SH2B3: variants seen among roughly 807,000 people sequenced by gnomAD.
SH2B3 encodes the protein SH2B adapter protein 3.
Under a neutral mutation model 51.9 loss-of-function variants are expected in SH2B3, and 43 were observed. That is an observed-to-expected ratio of 0.83 (90% confidence interval 0.65 to 1.07). The LOEUF is 1.07. Ranked by LOEUF, SH2B3 falls within the 50% of genes least tolerant of loss-of-function variation. The pLI, the probability that SH2B3 is intolerant of heterozygous loss-of-function variation, is 0.00. For missense variants in SH2B3, 952 were observed against 834.3 expected, an observed-to-expected ratio of 1.14 and a Z score of -1.74; for synonymous variants, 396 against 376.0, an observed-to-expected ratio of 1.05 and a Z score of -0.62.
chr12:111,440,134 ATTCCAAACTCCC>A (rs1873268101), intron 2 of SH2B3, among the ~76,000 whole-genome samples: 1 of 152,192 alleles, frequency 6.6e-6, no homozygotes, highest in Admixed American at 6.5e-5. Flanking sequence ...TAAAATGCAG[ATTCCAAACTCCC>A]TTCCAGATGT....
At chr12:111,404,805 G>T (rs1158674860), upstream of SH2B3, among the ~76,000 whole-genome samples, 3 of 152,222 alleles carry the variant, frequency 2.0e-5, no homozygotes, top group Non-Finnish European at 4.4e-5. Flanking sequence ...AATTCTCACT[G>T]CCAGGAGAGT....
At chr12:111,439,281 C>A (rs1022806016) in intron 2 of SH2B3, among the ~76,000 whole-genome samples, 7 of 152,236 alleles carry the variant, frequency 4.6e-5, no homozygotes, top group Middle Eastern at 3.4e-3. Flanking sequence ...TCCCGAGCAG[C>A]TGGGATTATA....
chr12:111,441,751 C>T (rs1393067019), intron 2 of SH2B3, among the ~76,000 whole-genome samples: 1 of 152,142 alleles, frequency 6.6e-6, no homozygotes, highest in Non-Finnish European at 1.5e-5. Context: ...TTTAATGGAG[C>T]TAAGCAGCAG....
intron 2 of SH2B3, among the ~76,000 whole-genome samples, chr12:111,426,917 C>A (rs1872048601): frequency 6.6e-6 from 1 of 152,110 alleles, no homozygotes. Context: ...AAGCCCTTGG[C>A]CCCCTGCTGA....
intron 2 of SH2B3, among the ~76,000 whole-genome samples, chr12:111,441,360 T>TAAA (rs35496164): frequency 7.3e-6 from 1 of 136,826 alleles, no homozygotes; most frequent in Non-Finnish European, 1.6e-5. Context: ...CCCTATCTCT[T>TAAA]AAAAAAAAAA....
chr12:111,443,904 G>A (rs1873670166), intron 2 of SH2B3: 1 of 152,234 alleles, frequency 6.6e-6, no homozygotes, highest in African/African-American at 2.4e-5. Flanking sequence ...AAACCTAGAG[G>A]GTAGGGCCCG....
intron 2 of SH2B3, among the ~76,000 whole-genome samples, chr12:111,441,737 A>T (rs753528427): frequency 6.6e-5 from 10 of 152,102 alleles, no homozygotes; most frequent in Non-Finnish European, 8.8e-5. Flanking sequence ...GACTTCTCAG[A>T]GTCTTTAATG....
At chr12:111,427,770 G>A (rs1422126931) in intron 2 of SH2B3, among the ~76,000 whole-genome samples, 1 of 152,270 alleles carries the variant, frequency 6.6e-6, no homozygotes, top group African/African-American at 2.4e-5. Flanking sequence ...ACATGATGGA[G>A]TTCTAGCTGT....
rs1189037075 is a variant in SH2B3 at position 111,409,853 on chromosome 12, A to G, written c.-28+3576A>G. Among the ~76,000 whole-genome samples the G allele has an allele frequency of 1.3e-5, 2 of 152,208 alleles. No individual in the cohort carries two copies. Among genetic ancestry groups the G allele is most frequent in the Non-Finnish European group, 2.9e-5 (2 of 68,026 alleles). On this transcript the variant is annotated intron_variant, in intron 1 of 7. Coordinates refer to ENST00000341259, the MANE Select transcript of SH2B3 (RefSeq NM_005475.3). This position sits in a 1 kb window ranked among gnomAD's most constrained non-coding sequence, Gnocchi z 4.0. Reference sequence around the variant, plus strand: ...AGCCATCCTTCCTCCCAGCAGGGGCAGAGGACACTTCCCCAGGGGAACAGG... The same window carrying G: ...AGCCATCCTTCCTCCCAGCAGGGGCGGAGGACACTTCCCCAGGGGAACAGG...
At chr12:111,428,418 C>T (rs1365484520) in intron 2 of SH2B3, among the ~76,000 whole-genome samples, 1 of 152,220 alleles carries the variant, frequency 6.6e-6, no homozygotes, top group Non-Finnish European at 1.5e-5. Flanking sequence ...CCCCACTCAT[C>T]CCCTTTCGAG....
chr12:111,418,310 C>T lies in SH2B3; in HGVS notation c.165C>T (p.His55=), dbSNP rs776558270. 3.7e-5 allele frequency: 57 copies of T among 1,527,168 alleles called. No homozygotes were observed. The highest frequency in any genetic ancestry group is 4.5e-5 in the Non-Finnish European group (51 of 1,142,936). 94.6% of individuals were successfully genotyped at this position (1,527,168 alleles called of 1,614,324 possible). A position where few individuals can be genotyped will look rare whatever the true frequency, so the allele number is the denominator to read the frequency against. Residue 55 remains histidine, a synonymous_variant, in exon 2 of 8, where the codon CAC becomes CAT. Coordinates refer to ENST00000341259, the MANE Select transcript of SH2B3 (RefSeq NM_005475.3). The surrounding 1 kb of genome is among the most constrained non-coding windows in gnomAD (Gnocchi z 6.7). ...YWLFAREHPQ[H]APLRAELVSL... ...TGTTCGCCCGGGAGCATCCGCAGCA[C>T]GCGCCGCTGCGCGCCGAGCTGGTGT...
rs796570717 is a variant in SH2B3, at chr12:111,409,174, G to C, written c.-28+2897G>C. On this transcript the variant is annotated intron_variant, in intron 1 of 7. Transcript: ENST00000341259. The surrounding 1 kb of genome is among the most constrained non-coding windows in gnomAD (Gnocchi z 4.0). ...TGTGTGAAGTACAGTGTCAGGACTG[G>C]AACTGTGTTGGCTGTACTTGCTCTG... is the stretch of plus-strand genomic sequence containing the variant. 3.3e-5 allele frequency among the ~76,000 whole-genome samples: 5 copies of C among 152,282 alleles called. No homozygotes were observed. The highest frequency in any genetic ancestry group is 1.2e-4 in the African/African-American group (5 of 41,568).
chr12:111,442,039 C>G (rs755080237), intron 2 of SH2B3, among the ~76,000 whole-genome samples: 12 of 152,134 alleles, frequency 7.9e-5, no homozygotes, highest in Non-Finnish European at 1.0e-4. Context: ...TCAAGTGATT[C>G]TCCTGCCTCA....
chr12:111,428,509 C>T (rs977510212), intron 2 of SH2B3, among the ~76,000 whole-genome samples: 1 of 152,148 alleles, frequency 6.6e-6, no homozygotes, highest in Admixed American at 6.5e-5. Flanking sequence ...GGGCAGGCTA[C>T]GGTAAGCACT....
chr12:111,418,192 C>T lies in SH2B3; in HGVS notation c.47C>T (p.Ser16Leu), dbSNP rs779622961. 3.8e-6 allele frequency: 6 copies of T among 1,571,806 alleles called. No homozygotes were observed. In the South Asian group the frequency reaches 6.9e-5, roughly 18 times the overall value. Residue 16 changes from serine (S) to leucine (L), a missense_variant, in exon 2 of 8, where the codon TCA (serine) becomes TTA (leucine). Ser to Leu is a moderately radical substitution (Grantham distance 145, BLOSUM62 -2). Coordinates refer to ENST00000341259, the MANE Select transcript of SH2B3 (RefSeq NM_005475.3). This position sits in a 1 kb window ranked among gnomAD's most constrained non-coding sequence, Gnocchi z 6.7. ...LQPSSPSSAP[S>L]ASPAAAPRGW... ...CCCTCCTCGCCCTCTTCCGCGCCCT[C>T]AGCCTCCCCGGCGGCGGCCCCGCGG...
chr12:111,424,315 T>C (rs1404070695), intron 2 of SH2B3, among the ~76,000 whole-genome samples: 1 of 151,784 alleles, frequency 6.6e-6, no homozygotes, highest in East Asian at 1.9e-4. Flanking sequence ...TGTGTCTTGG[T>C]GGGGAGAGCG....
chr12:111,437,010 G>C (rs555892350), intron 2 of SH2B3, among the ~76,000 whole-genome samples: 4 of 152,146 alleles, frequency 2.6e-5, no homozygotes, highest in East Asian at 1.9e-4. Context: ...CTGCCTGGAG[G>C]GGGGATCTGA....
intron 1 of SH2B3, among the ~76,000 whole-genome samples, chr12:111,413,998 A>G (rs955545242): frequency 4.6e-5 from 7 of 152,212 alleles, no homozygotes; most frequent in Non-Finnish European, 1.0e-4. Context: ...CAGATCGTGT[A>G]GGTGGGGCAG....
chr12:111,445,214 A>G (rs1357541311), intron 2 of SH2B3, among the ~76,000 whole-genome samples: 1 of 152,154 alleles, frequency 6.6e-6, no homozygotes, highest in Non-Finnish European at 1.5e-5. Context: ...GGCCTGGCCT[A>G]TATCCTCCCA....
Sources: allele counts gnomAD v4.1 joint callset (sites outside exome capture counted in the v4.1 genomes callset), GRCh38; gene constraint gnomAD v4.1.1; non-coding constraint Gnocchi (gnomAD v3.1); transcripts MANE v1.5; gene names NCBI Gene and HGNC (gene_info 2026-07-23, HGNC 2026-07-21).